The following GET4 variants were observed in gnomAD, a reference collection of about 807,000 sequenced individuals.
GET4 encodes Golgi to ER traffic protein 4 homolog.
Under a neutral mutation model 40.0 loss-of-function variants are expected in GET4, and 20 were observed. The observed-to-expected ratio is 0.50, with a 90% CI of 0.35 to 0.73. The LOEUF (loss-of-function observed/expected upper bound fraction) is 0.73. GET4 is among the 30% of genes least tolerant of loss of function. The probability of loss-of-function intolerance (pLI) is 0.01; values close to 1 mark genes in which losing one functional copy is unlikely to be tolerated. For missense variants in GET4, 557 were observed against 454.0 expected, an observed-to-expected ratio of 1.23 and a Z score of -2.06; for synonymous variants, 280 against 194.6, an observed-to-expected ratio of 1.44 and a Z score of -3.65.
At chr7:878,474 C>T in intron 1 of GET4, 1 of 433,172 alleles carries the variant, frequency 2.3e-6, no homozygotes, top group Non-Finnish European at 4.8e-6. Flanking sequence ...TTCTAAACTG[C>T]CACAGGGCCG....
intron 1 of GET4, chr7:882,471 T>C (rs953076284): frequency 1.3e-5 from 2 of 152,378 alleles, no homozygotes; most frequent in African/African-American, 4.8e-5. Flanking sequence ...CTGGTTCATC[T>C]GGTTACGCTA....
At chr7:879,057 C>T (rs897028149) in intron 1 of GET4, among the ~76,000 whole-genome samples, 2 of 152,198 alleles carry the variant, frequency 1.3e-5, no homozygotes, top group Admixed American at 6.5e-5. Context: ...TGAGGAACCC[C>T]ATGAGAGCAT....
intron 1 of GET4, chr7:878,358 A>G (rs1197629129): frequency 2.1e-6 from 1 of 470,980 alleles, no homozygotes; most frequent in East Asian, 6.9e-5. Flanking sequence ...TATGCATATC[A>G]GATTATCTCT....
intron 4 of GET4, among the ~76,000 whole-genome samples, chr7:889,152 C>A (rs1437951090): frequency 1.3e-5 from 2 of 152,270 alleles, no homozygotes; most frequent in Non-Finnish European, 2.9e-5. Flanking sequence ...CATGGGAGGG[C>A]TGCGCTCGGC....
At chr7:891,485 T>A (rs1844321024) in intron 5 of GET4, among the ~76,000 whole-genome samples, 1 of 149,142 alleles carries the variant, frequency 6.7e-6, no homozygotes, top group African/African-American at 2.5e-5. Flanking sequence ...TGTCTGCTCC[T>A]GCGTGGTCCC....
Position 895,634 on chromosome 7 carries a change from G to A in GET4, c.*212G>A. Reference sequence around the variant, plus strand: ...GACCCAAGAGTGGGGCGTCGCCCCTGCTGGCCGCCGCGTCCCCCGAGATTG... The same window carrying A: ...GACCCAAGAGTGGGGCGTCGCCCCTACTGGCCGCCGCGTCCCCCGAGATTG... On this transcript the variant is annotated 3_prime_UTR_variant, in exon 9 of 9. Coordinates refer to ENST00000265857, the MANE Select transcript of GET4 (RefSeq NM_015949.3). The A allele has an allele frequency of 2.4e-6, 1 of 420,822 alleles. No individual in the cohort carries two copies. The allele number at this position is 420,822 out of a possible 1,614,324, so 26.1% of individuals were successfully genotyped here.
chr7:891,766 G>A (rs908906799), intron 5 of GET4, among the ~76,000 whole-genome samples: 3 of 152,390 alleles, frequency 2.0e-5, no homozygotes, highest in East Asian at 3.9e-4. Context: ...GCTGGCGTCC[G>A]TGACTTAAGT....
chr7:881,422 A>G (rs1022467539), intron 1 of GET4: 8 of 148,554 alleles, frequency 5.4e-5, no homozygotes, highest in African/African-American at 1.7e-4. Context: ...AGTTTTACGT[A>G]TGTGGAATCA....
intron 2 of GET4, 46 bp downstream of exon 2, chr7:886,180 G>A: frequency 7.8e-7 from 1 of 1,273,976 alleles, no homozygotes; most frequent in Non-Finnish European, 1.1e-6. Context: ...CTCCGGGCAG[G>A]CAAGTGGAGG....
chr7:888,916 C>T (rs1741355072), intron 4 of GET4, among the ~76,000 whole-genome samples: 1 of 152,268 alleles, frequency 6.6e-6, no homozygotes, highest in Non-Finnish European at 1.5e-5. Context: ...TCGGATGAGT[C>T]AGGAACAAAT....
Position 887,733 on chromosome 7 carries a change from C to T in GET4, c.466+214C>T, listed in dbSNP as rs536950856. 4.5e-4 allele frequency among the ~76,000 whole-genome samples: 69 copies of T among 152,352 alleles called. 1 individual carries two copies. The highest frequency in any genetic ancestry group is 1.3e-3 in the Admixed American group (20 of 15,300). On this transcript the variant is annotated intron_variant, in intron 4 of 8. Coordinates refer to ENST00000265857, the MANE Select transcript of GET4 (RefSeq NM_015949.3). ...CTGCGAGAAGGGGGGCAGGCGGCCG[C>T]CTCTCCAGGCCTTCCCGTGGGACGT...
At chr7:894,368 G>A (rs887884183) in intron 8 of GET4, among the ~76,000 whole-genome samples, 1 of 152,168 alleles carries the variant, frequency 6.6e-6, no homozygotes, top group Non-Finnish European at 1.5e-5. Flanking sequence ...GCGGCGGGGC[G>A]GGTGTCTCAC....
intron 4 of GET4, among the ~76,000 whole-genome samples, chr7:888,474 G>A (rs989096503): frequency 2.0e-5 from 3 of 152,238 alleles, no homozygotes; most frequent in Non-Finnish European, 1.5e-5. Flanking sequence ...AGGCTTTCCC[G>A]ACCTTCTCCC....
Position 895,424 on chromosome 7 carries a change from C to T in GET4, c.*2C>T, listed in dbSNP as rs1447910095. On this transcript the variant is annotated 3_prime_UTR_variant, in exon 9 of 9. Coordinates refer to ENST00000265857, the MANE Select transcript of GET4 (RefSeq NM_015949.3). ...GGCAGCCCCATCGAGCTGGACTGAA[C>T]TGGCCAGGCCACGTGGAGACACCAC... 6 of 1,521,854 alleles carry T rather than the reference C, an allele frequency of 3.9e-6. No homozygotes were observed. Among genetic ancestry groups the T allele is most frequent in the South Asian group, 1.1e-5 (1 of 88,284 alleles). 94.3% of individuals were successfully genotyped at this position (1,521,854 alleles called of 1,614,324 possible).
In GET4 at chr7:895,732, G is replaced by A. The variant is rs36086674; in HGVS notation, c.*310G>A. ...CCTTTGTTCTGGGTCCTTTCGGGAG[G>A]GCTGATGGGCAGCACAGGAGGCCCG... On this transcript the variant is annotated 3_prime_UTR_variant, in exon 9 of 9. Coordinates refer to ENST00000265857, the MANE Select transcript of GET4 (RefSeq NM_015949.3). 273 of 206,310 alleles carry A rather than the reference G, an allele frequency of 1.3e-3. No homozygotes were observed. Among genetic ancestry groups the A allele is most frequent in the Non-Finnish European group, 2.0e-3 (203 of 102,700 alleles). The allele number at this position is 206,310 out of a possible 1,614,324, so 12.8% of individuals were successfully genotyped here.
intron 8 of GET4, among the ~76,000 whole-genome samples, chr7:894,949 C>T (rs756821143): frequency 1.3e-5 from 2 of 152,276 alleles, no homozygotes; most frequent in East Asian, 3.9e-4. Flanking sequence ...GCAGTGTGCT[C>T]TACAGCCCCA....
intron 8 of GET4, among the ~76,000 whole-genome samples, chr7:895,002 C>T (rs919034662): frequency 4.6e-4 from 70 of 152,242 alleles, no homozygotes; most frequent in African/African-American, 1.5e-3. Context: ...GGTGTTGGTT[C>T]TGTAGGTCCC....
intron 1 of GET4, chr7:884,056 A>G (rs1273338547): frequency 1.7e-6 from 2 of 1,171,660 alleles, no homozygotes; most frequent in Non-Finnish European, 2.1e-6. Flanking sequence ...CTCCTCGTGC[A>G]GGAATATGGG....
intron 3 of GET4, chr7:886,911 C>T (rs565922208): frequency 2.2e-5 from 12 of 552,634 alleles, no homozygotes; most frequent in Middle Eastern, 4.6e-4. Context: ...TCCACTGCTC[C>T]GATGGACAGT....
Sources: gnomAD v4.1 joint callset for allele counts (sites outside exome capture counted in the v4.1 genomes callset) on GRCh38, gnomAD v4.1.1 for gene constraint, MANE v1.5 for transcripts, NCBI Gene and HGNC (gene_info 2026-07-23, HGNC 2026-07-21) for gene names.